MRPL58: variants seen among roughly 807,000 people sequenced by gnomAD.
MRPL58 encodes mitochondrial ribosomal protein L58, also known as large ribosomal subunit protein mL62.
MRPL58 carries 17 observed loss-of-function variants against 26.0 expected under a neutral mutation model. That is an observed-to-expected ratio of 0.65 (90% CI 0.45 to 0.98). MRPL58 has a LOEUF of 0.98. Ranked by LOEUF, MRPL58 falls within the 50% of genes least tolerant of loss-of-function variation. MRPL58 has a pLI of 0.00. For synonymous variants in MRPL58, 100 were observed against 99.7 expected, an observed-to-expected ratio of 1.00 and a Z score of -0.02; for missense variants, 250 against 269.0, an observed-to-expected ratio of 0.93 and a Z score of 0.49.
rs1008467223 is a variant in MRPL58 at position 75,017,107 on chromosome 17, C to A, written c.216C>A (p.Ile72=). ...PNGAKQADSD[I]PLDRLTISYC... is the part of the protein sequence containing the mutation. Reference sequence around the variant, plus strand: ...GTGCAAAGCAAGCCGACAGTGACATCCCTCTAGGTAAGTAATTTTGTTTTC... The same window carrying A: ...GTGCAAAGCAAGCCGACAGTGACATACCTCTAGGTAAGTAATTTTGTTTTC... The change falls in exon 2 of 6, where the codon ATC becomes ATA. Residue 72 remains isoleucine, a synonymous_variant. Transcript: ENST00000301585. 2.5e-6 allele frequency: 4 copies of A among 1,611,880 alleles called. No individual in the cohort carries two copies. In the African/African-American group the frequency reaches 5.3e-5, roughly 22 times the overall value.
chr17:75,017,225 A>C, intron 2 of MRPL58, 111 bp downstream of exon 2: 2 of 809,632 alleles, frequency 2.5e-6, no homozygotes, highest in East Asian at 2.7e-5. Flanking sequence ...CAGGAGGTGG[A>C]GGTTGCAGTG....
At chr17:75,020,437 C>A (rs755495828) in intron 4 of MRPL58, 42 bp downstream of exon 4, 2 of 1,613,568 alleles carry the variant, frequency 1.2e-6, no homozygotes, top group African/African-American at 2.7e-5. Flanking sequence ...CCCTCAGTGG[C>A]TTTTAAACCT....
At chr17:75,020,259 G>C in intron 3 of MRPL58, 54 bp from the exon 4 acceptor site, 2 of 1,398,516 alleles carry the variant, frequency 1.4e-6, no homozygotes, top group Non-Finnish European at 1.0e-6. Context: ...CCCAGGGGTT[G>C]ATCCTTCCTG....
intron 1 of MRPL58, among the ~76,000 whole-genome samples, chr17:75,013,991 G>A (rs774503265): frequency 2.1e-4 from 32 of 152,290 alleles, no homozygotes; most frequent in Non-Finnish European, 3.7e-4. Flanking sequence ...AACAGATAGA[G>A]GATGCCAAGA....
At chr17:75,015,395 A>T (rs976423538) in intron 1 of MRPL58, among the ~76,000 whole-genome samples, 22 of 152,312 alleles carry the variant, frequency 1.4e-4, no homozygotes, top group African/African-American at 5.3e-4. Context: ...GAGGCAGGAG[A>T]ATCGCTTGAA....
rs1379497534 is a variant in MRPL58 at position 75,019,911 on chromosome 17, A to G, written c.283+152A>G. 8.0e-6 allele frequency: 5 copies of G among 627,448 alleles called. No individual in the cohort carries two copies. In the African/African-American group the frequency reaches 9.4e-5, roughly 12 times the overall value. The allele number at this position is 627,448 out of a possible 1,614,324, so 38.9% of individuals were successfully genotyped here. A position where few individuals can be genotyped will look rare whatever the true frequency, so the allele number is the denominator to read the frequency against. The stretch of plus-strand genomic sequence containing the variant: ...ATAATAATCCTCTTTATTCTTTTGA[A>G]TGTGGTCTGATTCTCAGACATTCAG... On this transcript the variant is annotated intron_variant, in intron 3 of 5. Transcript: ENST00000301585.
At chr17:75,017,879 G>A (rs1019906977) in intron 2 of MRPL58, among the ~76,000 whole-genome samples, 3 of 150,906 alleles carry the variant, frequency 2.0e-5, no homozygotes, top group East Asian at 1.9e-4. Context: ...AGTTGAGATC[G>A]CACCACTGCA....
At chr17:75,018,372 C>T (rs959127981) in intron 2 of MRPL58, among the ~76,000 whole-genome samples, 1 of 152,022 alleles carries the variant, frequency 6.6e-6, no homozygotes, top group Non-Finnish European at 1.5e-5. Flanking sequence ...GCTGGGACTA[C>T]AGGTTCCCAC....
At chr17:75,014,458 T>G (rs1207918219) in intron 1 of MRPL58, among the ~76,000 whole-genome samples, 1 of 146,896 alleles carries the variant, frequency 6.8e-6, no homozygotes, top group Non-Finnish European at 1.5e-5. Flanking sequence ...TTTTTTTTTT[T>G]TTTGAGACAG....
intron 1 of MRPL58, 40 bp downstream of exon 1, chr17:75,012,912 G>C: frequency 6.4e-7 from 1 of 1,570,340 alleles, no homozygotes; most frequent in Non-Finnish European, 8.7e-7. Flanking sequence ...CGTTTTGTCA[G>C]GCTGCTGGGT....
At chr17:75,015,945 C>T (rs1457676904) in intron 1 of MRPL58, among the ~76,000 whole-genome samples, 1 of 150,176 alleles carries the variant, frequency 6.7e-6, no homozygotes, top group African/African-American at 2.4e-5. Flanking sequence ...GCCACCATGC[C>T]TAGCTAATTT....
Position 75,020,449 on chromosome 17 carries a change from T to G in MRPL58, c.367-39T>G, listed in dbSNP as rs781620470. On this transcript the variant is annotated intron_variant, in intron 4 of 5. Coordinates refer to ENST00000301585, the MANE Select transcript of MRPL58 (RefSeq NM_001545.3). ...AATCCCTCAGTGGCTTTTAAACCTT[T>G]ACTCTGTAGGACTCCAGTTTTTCAT... is the stretch of plus-strand genomic sequence containing the variant. The G allele has an allele frequency of 4.3e-6, 7 of 1,614,020 alleles. No individual in the cohort carries two copies. In the East Asian group the frequency reaches 1.3e-4, roughly 31 times the overall value.
Position 75,020,293 on chromosome 17 carries a change from C to G in MRPL58, c.284-20C>G, listed in dbSNP as rs2040005787. 3 of 1,607,220 alleles carry G rather than the reference C, an allele frequency of 1.9e-6. No individual in the cohort carries two copies. Among genetic ancestry groups the G allele is most frequent in the Non-Finnish European group, 2.6e-6 (3 of 1,174,312 alleles). The stretch of plus-strand genomic sequence containing the variant: ...TGGAAGTCTCAGGCACCCATGCTCC[C>G]TTCTCCCTTTCCTCCACAGTGAATT... On this transcript the variant is annotated intron_variant, in intron 3 of 5. Coordinates refer to ENST00000301585, the MANE Select transcript of MRPL58 (RefSeq NM_001545.3).
At chr17:75,013,642 A>G (rs530815369) in intron 1 of MRPL58, among the ~76,000 whole-genome samples, 3 of 152,326 alleles carry the variant, frequency 2.0e-5, no homozygotes, top group Admixed American at 6.5e-5. Context: ...TAGGGTTGCA[A>G]TTTTAAGTAG....
At chr17:75,014,441 CTT>C (rs35929744) in intron 1 of MRPL58, among the ~76,000 whole-genome samples, 6 of 76,220 alleles carry the variant, frequency 7.9e-5, no homozygotes, top group Admixed American at 2.9e-4. Flanking sequence ...CCGCGCCAGG[CTT>C]TTTTTTTTTT....
rs1598667786 is a variant in MRPL58, at chr17:75,017,194, G to T, written c.223+80G>T. 5.4e-6 allele frequency: 6 copies of T among 1,114,112 alleles called. No homozygotes were observed. In the East Asian group the frequency reaches 1.4e-4, roughly 27 times the overall value. 69.0% of individuals were successfully genotyped at this position (1,114,112 alleles called of 1,614,324 possible). ...TAATCCCAGTTACTTGGGAGGCTGA[G>T]GCAGGAGAATCGCTTGAACCCAGGA... On this transcript the variant is annotated intron_variant, in intron 2 of 5. Transcript: ENST00000301585.
intron 1 of MRPL58, among the ~76,000 whole-genome samples, chr17:75,015,387 G>T (rs1216151423): frequency 6.6e-6 from 1 of 152,208 alleles, no homozygotes; most frequent in African/African-American, 2.4e-5. Context: ...AGGAGGCTGA[G>T]GCAGGAGAAT....
chr17:75,015,752 A>ATTCTTT (rs1371472768), intron 1 of MRPL58, among the ~76,000 whole-genome samples: 4 of 151,944 alleles, frequency 2.6e-5, no homozygotes, highest in Non-Finnish European at 5.9e-5. Flanking sequence ...TCCCCAAATA[A>ATTCTTT]TTCTTTTTCT....
At chr17:75,018,593 T>C (rs1369851249) in intron 2 of MRPL58, 1 of 152,080 alleles carries the variant, frequency 6.6e-6, no homozygotes, top group Non-Finnish European at 1.5e-5. Flanking sequence ...TAGAGAGATA[T>C]CTATATCTGA....
Sources: gnomAD v4.1 joint callset for allele counts (sites outside exome capture counted in the v4.1 genomes callset) on GRCh38, gnomAD v4.1.1 for gene constraint, MANE v1.5 for transcripts, NCBI Gene and HGNC (gene_info 2026-07-23, HGNC 2026-07-21) for gene names.